MYBPC2: variants seen among roughly 807,000 people sequenced by gnomAD.
MYBPC2 encodes myosin binding protein C2, also known as myosin-binding protein C, fast-type.
MYBPC2 carries 122 observed loss-of-function variants against 137.0 expected under a neutral mutation model. That is an observed-to-expected ratio of 0.89 (90% CI 0.77 to 1.03). The LOEUF (loss-of-function observed/expected upper bound fraction) is 1.03. Ranked by LOEUF, MYBPC2 falls within the 50% of genes least tolerant of loss-of-function variation. The probability of loss-of-function intolerance (pLI) is 0.00; values close to 1 mark genes in which losing one functional copy is unlikely to be tolerated. For missense variants in MYBPC2, 1,500 were observed against 1,534.4 expected (o/e 0.98, Z 0.37); for synonymous variants, 626 against 612.3 (o/e 1.02, Z -0.33).
At chr19:50,446,151 C>T in intron 12 of MYBPC2, 99 bp downstream of exon 12, 1 of 1,338,496 alleles carries the variant, frequency 7.5e-7, no homozygotes. Context: ...GTTCCTGACT[C>T]CTCTCTTTCC....
At chr19:50,441,237 G>A (rs749865412) in intron 8 of MYBPC2, among the ~76,000 whole-genome samples, 161 bp downstream of exon 8, 1 of 152,072 alleles carries the variant, frequency 6.6e-6, no homozygotes. Context: ...ACCAAATTGA[G>A]GACTAGCTAA....
At chr19:50,456,810 G>A (rs1370659482) in intron 20 of MYBPC2, among the ~76,000 whole-genome samples, 2 of 151,194 alleles carry the variant, frequency 1.3e-5, no homozygotes, top group African/African-American at 2.4e-5. Context: ...TACCTATATG[G>A]CCATCCAACC....
At chr19:50,453,836 C>A (rs4802706) in intron 16 of MYBPC2, among the ~76,000 whole-genome samples, 184 bp from the exon 17 acceptor site, 1 of 152,040 alleles carries the variant, frequency 6.6e-6, no homozygotes, top group African/African-American at 2.4e-5. Context: ...CACTGCGCCC[C>A]GTCCAGTCTG....
At chr19:50,436,941 T>C (rs889400682) in intron 5 of MYBPC2, among the ~76,000 whole-genome samples, 1 of 152,096 alleles carries the variant, frequency 6.6e-6, no homozygotes, top group Non-Finnish European at 1.5e-5. Flanking sequence ...GGTGAAAGTG[T>C]ACAGGGTCTT....
At chr19:50,461,809 C>T (rs1601298663) in intron 25 of MYBPC2, 91 bp from the exon 26 acceptor site, 1 of 1,581,932 alleles carries the variant, frequency 6.3e-7, no homozygotes, top group East Asian at 2.3e-5. Flanking sequence ...GGCACCTAGT[C>T]ATGGGAGAGA....
intron 20 of MYBPC2, 120 bp from the exon 21 acceptor site, chr19:50,458,467 T>G (rs997872830): frequency 2.5e-6 from 3 of 1,184,486 alleles, no homozygotes; most frequent in African/African-American, 3.1e-5. Flanking sequence ...TGCTGCTGCT[T>G]CTACTGGGAA....
At chr19:50,449,958 C>T (rs933503307) in intron 13 of MYBPC2, among the ~76,000 whole-genome samples, 1 of 152,010 alleles carries the variant, frequency 6.6e-6, no homozygotes, top group Non-Finnish European at 1.5e-5. Context: ...GAGTTCGAGA[C>T]CAGCCTGGCC....
chr19:50,460,213 G>T, intron 24 of MYBPC2, 34 bp downstream of exon 24: 3 of 1,577,020 alleles, frequency 1.9e-6, no homozygotes, highest in Non-Finnish European at 2.6e-6. Context: ...GGGAAGAGCC[G>T]GTGAGGTGGG....
chr19:50,452,059 T>A, intron 16 of MYBPC2, 56 bp downstream of exon 16: 2 of 1,509,986 alleles, frequency 1.3e-6, no homozygotes, highest in Non-Finnish European at 1.8e-6. Flanking sequence ...CAAGTCTCTT[T>A]CCCCCTGAGC....
intron 13 of MYBPC2, among the ~76,000 whole-genome samples, chr19:50,450,016 G>A (rs986817668): frequency 1.3e-5 from 2 of 152,090 alleles, no homozygotes; most frequent in Non-Finnish European, 2.9e-5. Context: ...AATTAGCTGG[G>A]TGTTGTGTTA....
intron 14 of MYBPC2, 48 bp from the exon 15 acceptor site, chr19:50,451,232 G>A (rs1232936792): frequency 6.2e-7 from 1 of 1,605,226 alleles, no homozygotes; most frequent in Non-Finnish European, 8.5e-7. Flanking sequence ...GTGGGGTGAG[G>A]GGCCTGCTGA....
rs1039873602 is a variant in MYBPC2, at chr19:50,465,160, C to T, written c.3415+628C>T. Among the ~76,000 whole-genome samples the T allele has an allele frequency of 1.1e-4, 17 of 152,184 alleles. No individual in the cohort carries two copies. Among genetic ancestry groups the T allele is most frequent in the African/African-American group, 3.9e-4 (16 of 41,546 alleles). ...CTCTGCCCCAGCCCTGATCCCAGCC[C>T]GCTGGGGACTCCCCACCGCCCCAGC... On this transcript the variant is annotated intron_variant, in intron 27 of 27. Transcript: ENST00000357701. This position sits in a 1 kb window ranked among gnomAD's most constrained non-coding sequence, Gnocchi z 4.5.
At chr19:50,440,570 G>A (rs2039742955) in intron 7 of MYBPC2, among the ~76,000 whole-genome samples, 1 of 150,632 alleles carries the variant, frequency 6.6e-6, no homozygotes, top group Admixed American at 6.7e-5. Context: ...GGCTGAGGCA[G>A]AAGAATCGCC....
intron 23 of MYBPC2, among the ~76,000 whole-genome samples, 156 bp from the exon 24 acceptor site, chr19:50,459,884 G>A (rs535082914): frequency 1.4e-4 from 21 of 150,260 alleles, no homozygotes; most frequent in African/African-American, 4.9e-4. Flanking sequence ...ATAAGAGGAA[G>A]TGGAGAGACT....
At position 50,448,374 on chromosome 19, in the gene MYBPC2, A is replaced by G. The variant is rs1252942385; in HGVS notation, c.1456A>G (p.Ile486Val). 23 of 1,613,364 alleles carry G rather than the reference A, an allele frequency of 1.4e-5. No homozygotes were observed. The highest frequency in any genetic ancestry group is 1.9e-5 in the Non-Finnish European group (23 of 1,179,578). ...GGTGCGGCCCAGCAAGAGGATCACC[A>G]TTTCCCATGTAGGCAGGTGAGGAGT... ...VEVRPSKRIT[I>V]SHVGRFHKLV... is the part of the protein sequence containing the mutation. The change falls in exon 13 of 28, where the codon ATT (isoleucine) becomes GTT (valine). Residue 486 changes from isoleucine to valine, a missense_variant. Coordinates refer to ENST00000357701, the MANE Select transcript of MYBPC2 (RefSeq NM_004533.4).
At chr19:50,448,124 C>T in intron 12 of MYBPC2, 101 bp from the exon 13 acceptor site, 6 of 1,370,258 alleles carry the variant, frequency 4.4e-6, no homozygotes, top group Non-Finnish European at 5.8e-6. Context: ...TGGCTGGTAT[C>T]CCCAGTGCCT....
At chr19:50,455,056 C>T in intron 18 of MYBPC2, 52 bp from the exon 19 acceptor site, 2 of 1,522,462 alleles carry the variant, frequency 1.3e-6, no homozygotes, top group East Asian at 4.8e-5. Flanking sequence ...CCAGCTGACT[C>T]ATGCCCCATG....
intron 11 of MYBPC2, 91 bp from the exon 12 acceptor site, chr19:50,445,775 ACCTGCCTTCTGATC>A (rs1206994680): frequency 1.2e-5 from 14 of 1,146,866 alleles, no homozygotes; most frequent in Non-Finnish European, 1.7e-5. Flanking sequence ...CCCTCCGGGG[ACCTGCCTTCTGATC>A]CCTCTGCATG....
At chr19:50,437,809 A>G in intron 7 of MYBPC2, 91 bp downstream of exon 7, 2 of 1,388,896 alleles carry the variant, frequency 1.4e-6, no homozygotes, top group Non-Finnish European at 2.0e-6. Flanking sequence ...TTCCTCCTGG[A>G]CCCACTGCTT....
Sources: gnomAD v4.1 joint callset for allele counts (sites outside exome capture counted in the v4.1 genomes callset) on GRCh38, gnomAD v4.1.1 for gene constraint, Gnocchi (gnomAD v3.1) non-coding constraint, MANE v1.5 for transcripts, NCBI Gene and HGNC (gene_info 2026-07-23, HGNC 2026-07-21) for gene names.